The following SPATA13 variants were observed in gnomAD, a reference collection of about 807,000 sequenced individuals.
SPATA13 encodes the protein spermatogenesis associated 13, also known as spermatogenesis-associated protein 13.
SPATA13 carries 50 observed loss-of-function variants against 104.0 expected under a neutral mutation model. The observed-to-expected ratio is 0.48, with a 90% confidence interval of 0.38 to 0.61. The LOEUF is 0.61. SPATA13 is among the 20% of genes least tolerant of loss of function. The pLI is 0.00. For synonymous variants in SPATA13, 606 were observed against 667.5 expected (o/e 0.91, Z 1.42); for missense variants, 1,524 against 1,690.6 (o/e 0.90, Z 1.73).
chr13:24,139,399 A>G (rs891707106), intron 3 of SPATA13, among the ~76,000 whole-genome samples: 1 of 152,230 alleles, frequency 6.6e-6, no homozygotes, highest in African/African-American at 2.4e-5. Flanking sequence ...ACACTTAAAA[A>G]GAAAATACAA....
At chr13:24,288,536 A>G (rs886738018) in intron 7 of SPATA13, among the ~76,000 whole-genome samples, 3 of 152,202 alleles carry the variant, frequency 2.0e-5, no homozygotes, top group Non-Finnish European at 4.4e-5. Context: ...TGCTGTCCAT[A>G]GAAAGGCGGT....
chr13:24,173,794 A>T (rs2760355), intron 1 of SPATA13, among the ~76,000 whole-genome samples: 139,959 of 152,234 alleles, frequency 0.92, 65,524 homozygotes, highest in East Asian at 1. Context: ...TCAGTCTTGG[A>T]TCCCTGGAAT....
At chr13:23,983,022 C>G (rs1223231620) in intron 1 of SPATA13, among the ~76,000 whole-genome samples, 1 of 152,176 alleles carries the variant, frequency 6.6e-6, no homozygotes, top group African/African-American at 2.4e-5. Flanking sequence ...GAGGGGCTCC[C>G]TGGAGCAAAA....
At chr13:24,290,042 G>A (rs116952012) in intron 8 of SPATA13, among the ~76,000 whole-genome samples, 1,622 of 152,304 alleles carry the variant, frequency 0.011, 13 homozygotes, top group Middle Eastern at 0.02. Context: ...TCCTTGTGTG[G>A]CCTGTGCAGA....
In SPATA13 at chr13:24,258,235, C is replaced by CAA. The variant is rs58659073; in HGVS notation, c.2164+6385_2164+6386dup. On this transcript the variant is annotated intron_variant, in intron 4 of 12. Coordinates refer to ENST00000382108, the MANE Select transcript of SPATA13 (RefSeq NM_001166271.3). ...GGGCAACAAGAGTGAAACTCTATCT[C>CAA]AAAAAAAAAAAAATAAAAAGAACTC... 6.1e-3 allele frequency among the ~76,000 whole-genome samples: 850 copies of CAA among 139,442 alleles called. 11 individuals are homozygous for CAA. Among genetic ancestry groups the CAA allele is most frequent in the African/African-American group, 0.019 (739 of 38,534 alleles). The allele number at this position is 139,442 out of a possible 152,430, so 91.5% of individuals were successfully genotyped here. A position where few individuals can be genotyped will look rare whatever the true frequency, so the allele number is the denominator to read the frequency against.
At chr13:24,132,702 G>A (rs1356892052) in intron 3 of SPATA13, among the ~76,000 whole-genome samples, 2 of 152,192 alleles carry the variant, frequency 1.3e-5, no homozygotes, top group Non-Finnish European at 2.9e-5. Context: ...GGCCGGGCAT[G>A]GTGGCTCACA....
rs535399787 is a variant in SPATA13 at position 24,265,512 on chromosome 13, C to T, written c.2164+13650C>T. On this transcript the variant is annotated intron_variant, in intron 4 of 12. Coordinates refer to ENST00000382108, the MANE Select transcript of SPATA13 (RefSeq NM_001166271.3). ...CCTGTGAAGGACTCTCCCATCCCAACTTTAGAAAGTGCAGCCCCGTCTCAG... is the reference window on the plus strand; with the variant it reads ...CCTGTGAAGGACTCTCCCATCCCAATTTTAGAAAGTGCAGCCCCGTCTCAG... Among the ~76,000 whole-genome samples, 32 of 152,320 alleles carry T rather than the reference C, an allele frequency of 2.1e-4. No individual in the cohort carries two copies. In the South Asian group the frequency reaches 6.0e-3, roughly 29 times the overall value.
At chr13:24,232,049 C>T (rs1439717156) in intron 2 of SPATA13, among the ~76,000 whole-genome samples, 2 of 152,156 alleles carry the variant, frequency 1.3e-5, no homozygotes, top group Non-Finnish European at 2.9e-5. Flanking sequence ...CTCCAGAGGA[C>T]GAGAACCAAT....
At chr13:24,226,386 A>G (rs552204506) in intron 2 of SPATA13, among the ~76,000 whole-genome samples, 1 of 152,240 alleles carries the variant, frequency 6.6e-6, no homozygotes, top group African/African-American at 2.4e-5. Flanking sequence ...GCTTGTTTAA[A>G]GAGATTTTTA....
intron 1 of SPATA13, among the ~76,000 whole-genome samples, chr13:24,211,133 G>A (rs1468918340): frequency 6.6e-6 from 1 of 152,146 alleles, no homozygotes; most frequent in Admixed American, 6.5e-5. Flanking sequence ...TACTGAATTT[G>A]TTTATTAGTT....
exon 3 of SPATA13, chr13:24,017,683 T>C (rs759534786): frequency 3.0e-6 from 3 of 985,252 alleles, no homozygotes; most frequent in Non-Finnish European, 3.6e-6. Flanking sequence ...TCTTCAAGAG[T>C]AGCTGGTGCA....
chr13:23,985,782 TAA>T (rs1875122848), intron 2 of SPATA13, among the ~76,000 whole-genome samples: 2 of 152,108 alleles, frequency 1.3e-5, no homozygotes, highest in Admixed American at 1.3e-4. Flanking sequence ...CATAAGAATA[TAA>T]GACTGTGTTG....
chr13:24,105,138 T>G (rs1354647207), intron 3 of SPATA13, among the ~76,000 whole-genome samples: 1 of 152,076 alleles, frequency 6.6e-6, no homozygotes, highest in Admixed American at 6.5e-5. Flanking sequence ...GTTTTGTTTC[T>G]GTGAGACAGA....
At chr13:24,035,274 C>A (rs558498506) in intron 3 of SPATA13, among the ~76,000 whole-genome samples, 2 of 144,360 alleles carry the variant, frequency 1.4e-5, no homozygotes, top group South Asian at 4.1e-4. Flanking sequence ...CGTGCCTCAG[C>A]CTCCCGAGTA....
intron 1 of SPATA13, among the ~76,000 whole-genome samples, chr13:24,172,572 G>A (rs1240991274): frequency 6.6e-6 from 1 of 152,186 alleles, no homozygotes; most frequent in African/African-American, 2.4e-5. Context: ...TTCTTGGCCT[G>A]TAGATGTCTA....
At chr13:23,997,494 C>T (rs1197736649) in intron 2 of SPATA13, among the ~76,000 whole-genome samples, 1 of 152,196 alleles carries the variant, frequency 6.6e-6, no homozygotes, top group African/African-American at 2.4e-5. Flanking sequence ...CCATGTCTTT[C>T]CATGTATCAC....
chr13:24,127,212 A>G (rs1881247189), intron 3 of SPATA13, among the ~76,000 whole-genome samples: 1 of 152,096 alleles, frequency 6.6e-6, no homozygotes, highest in Non-Finnish European at 1.5e-5. Context: ...AGCAACAGGG[A>G]CAGAGCTTAC....
intron 1 of SPATA13, among the ~76,000 whole-genome samples, chr13:24,194,613 C>G (rs531133693): frequency 6.6e-6 from 1 of 152,240 alleles, no homozygotes; most frequent in South Asian, 2.1e-4. Context: ...ATAATGAGCC[C>G]GGTAGGTCCT....
At chr13:24,056,000 T>C (rs1035843576) in intron 3 of SPATA13, among the ~76,000 whole-genome samples, 1 of 152,204 alleles carries the variant, frequency 6.6e-6, no homozygotes, top group African/African-American at 2.4e-5. Flanking sequence ...CATCAGTGGT[T>C]CAAGTGACTT....
Sources: allele counts gnomAD v4.1 joint callset (sites outside exome capture counted in the v4.1 genomes callset), GRCh38; gene constraint gnomAD v4.1.1; transcripts MANE v1.5; gene names NCBI Gene and HGNC (gene_info 2026-07-23, HGNC 2026-07-21).